ARID5B: variants seen among roughly 807,000 people sequenced by gnomAD.
ARID5B encodes AT-rich interaction domain 5B, also known as AT-rich interactive domain-containing protein 5B.
Under a neutral mutation model 97.2 loss-of-function variants are expected in ARID5B, and 13 were observed. The observed-to-expected ratio is 0.13, with a 90% confidence interval of 0.09 to 0.21. ARID5B has a LOEUF of 0.21. Among genes scored for constraint, ARID5B ranks in the 10% least tolerant of loss-of-function variants. The probability of loss-of-function intolerance (pLI) is 1.00; values close to 1 mark genes in which losing one functional copy is unlikely to be tolerated. For synonymous variants in ARID5B, 556 were observed against 570.3 expected, an observed-to-expected ratio of 0.97 and a Z score of 0.36; for missense variants, 1,210 against 1,465.3, an observed-to-expected ratio of 0.83 and a Z score of 2.84.
chr10:62,088,271 G>A (rs1257056126), intron 9 of ARID5B, among the ~76,000 whole-genome samples: 1 of 152,156 alleles, frequency 6.6e-6, no homozygotes, highest in Admixed American at 6.5e-5. Context: ...GATACTTTTG[G>A]CCTGGTGATT....
In ARID5B at chr10:61,972,410, G is replaced by T. The variant is rs541006662; in HGVS notation, c.503-27681G>T. ...ATCCGGCTAATTTTTTGTATTTTTAGTAGAGATGGGGTTTCACCATGTTGG... is the reference window on the plus strand; with the variant it reads ...ATCCGGCTAATTTTTTGTATTTTTATTAGAGATGGGGTTTCACCATGTTGG... On this transcript the variant is annotated intron_variant, in intron 3 of 9. Coordinates refer to ENST00000279873, the MANE Select transcript of ARID5B (RefSeq NM_032199.3). 9.3e-4 allele frequency among the ~76,000 whole-genome samples: 142 copies of T among 151,968 alleles called. 1 individual carries two copies. Among genetic ancestry groups the T allele is most frequent in the African/African-American group, 3.3e-3 (135 of 41,462 alleles).
rs534837260 is a variant in ARID5B, at chr10:62,096,615, T to A, written c.*3585T>A. The A allele has an allele frequency of 4.3e-6, 1 of 233,624 alleles. No homozygotes were observed. Among genetic ancestry groups the A allele is most frequent in the South Asian group, 1.8e-4 (1 of 5,530 alleles). The allele number at this position is 233,624 out of a possible 1,614,324, so 14.5% of individuals were successfully genotyped here. On this transcript the variant is annotated 3_prime_UTR_variant, in exon 10 of 10. Coordinates refer to ENST00000279873, the MANE Select transcript of ARID5B (RefSeq NM_032199.3). ...TTATACTTTTTTAAACTTTCCTGTG[T>A]TGTAAATATTGTATACTTTTGGTGA...
intron 3 of ARID5B, among the ~76,000 whole-genome samples, chr10:61,959,973 T>C (rs1251720132): frequency 2.0e-5 from 3 of 152,190 alleles, no homozygotes; most frequent in Admixed American, 1.3e-4. Context: ...AGTTGGTCCA[T>C]GAACTCCTTG....
At chr10:62,049,515 G>C (rs1448867967) in intron 4 of ARID5B, 8 of 1,550,380 alleles carry the variant, frequency 5.2e-6, no homozygotes, top group Non-Finnish European at 7.0e-6. Flanking sequence ...CTTGATTTTT[G>C]TTTGTGAGCT....
intron 2 of ARID5B, among the ~76,000 whole-genome samples, chr10:61,933,594 AACATTCATC>A (rs1182370954): frequency 6.6e-6 from 1 of 152,236 alleles, no homozygotes; most frequent in Non-Finnish European, 1.5e-5. Context: ...GCATAAAAAC[AACATTCATC>A]TCTTTGTACA....
intron 4 of ARID5B, among the ~76,000 whole-genome samples, chr10:62,028,921 C>T (rs566910498): frequency 1.0e-4 from 15 of 149,376 alleles, no homozygotes; most frequent in African/African-American, 1.7e-4. Context: ...CACGCCACTG[C>T]GCTCCAGCCT....
chr10:61,958,522 G>T (rs1028172359), intron 3 of ARID5B, among the ~76,000 whole-genome samples: 30 of 152,092 alleles, frequency 2.0e-4, no homozygotes, highest in Non-Finnish European at 5.9e-5. Context: ...CGCCGCGCCC[G>T]GCCGTGACCT....
chr10:61,907,725 A>G (rs1401916597), intron 2 of ARID5B, among the ~76,000 whole-genome samples: 1 of 152,280 alleles, frequency 6.6e-6, no homozygotes, highest in African/African-American at 2.4e-5. Context: ...GAGTCAGCCA[A>G]GTAAGGCCTG....
rs570690577 is a variant in ARID5B at position 61,914,525 on chromosome 10, T to TA, written c.276+12113dup. Reference sequence around the variant, plus strand: ...CCAAATGGAGGGAAAACCATCTCCATACATTGTAGTCTTAAAACCGAATTC... The same window carrying TA: ...CCAAATGGAGGGAAAACCATCTCCATAACATTGTAGTCTTAAAACCGAATTC... On this transcript the variant is annotated intron_variant, in intron 2 of 9. Coordinates refer to ENST00000279873, the MANE Select transcript of ARID5B (RefSeq NM_032199.3). Among the ~76,000 whole-genome samples the TA allele has an allele frequency of 1.2e-3, 188 of 152,356 alleles. 2 individuals are homozygous for TA. Among genetic ancestry groups the TA allele is most frequent in the Non-Finnish European group, 2.2e-3 (150 of 68,036 alleles).
intron 4 of ARID5B, among the ~76,000 whole-genome samples, chr10:62,030,984 C>T (rs1431987339): frequency 6.6e-6 from 1 of 152,074 alleles, no homozygotes; most frequent in Admixed American, 6.5e-5. Flanking sequence ...ACCTGTAATC[C>T]CAGCACTTTG....
intron 2 of ARID5B, among the ~76,000 whole-genome samples, chr10:61,929,612 G>A (rs988401282): frequency 1.8e-4 from 28 of 152,208 alleles, no homozygotes; most frequent in African/African-American, 6.5e-4. Context: ...CAGGGCTAGT[G>A]TGGTGGCTTT....
chr10:61,936,825 GGGTT>G (rs55852508), intron 2 of ARID5B, among the ~76,000 whole-genome samples: 145,638 of 146,108 alleles, frequency 1, 72,586 homozygotes, highest in Middle Eastern at 1. Flanking sequence ...TATAAAACCT[GGGTT>G]TCCCTTTTTT....
intron 4 of ARID5B, among the ~76,000 whole-genome samples, chr10:62,013,427 TACTTA>T (rs1021893486): frequency 6.6e-6 from 1 of 152,160 alleles, no homozygotes; most frequent in African/African-American, 2.4e-5. Context: ...TTACCTCACA[TACTTA>T]ACTTTTTTTG....
At chr10:61,917,486 G>A (rs1046379037) in intron 2 of ARID5B, among the ~76,000 whole-genome samples, 20 of 152,036 alleles carry the variant, frequency 1.3e-4, no homozygotes, top group Admixed American at 8.5e-4. Context: ...GCACCACCAC[G>A]CCCGGCTAAT....
rs941548704 is a variant in ARID5B at position 62,094,933 on chromosome 10, C to T, written c.*1903C>T. Reference sequence around the variant, plus strand: ...AACTGATAACAATGAAACTGCGGCTCTTAAACAAAGCCATGCATGCCGTGC... The same window carrying T: ...AACTGATAACAATGAAACTGCGGCTTTTAAACAAAGCCATGCATGCCGTGC... On this transcript the variant is annotated 3_prime_UTR_variant, in exon 10 of 10. Coordinates refer to ENST00000279873, the MANE Select transcript of ARID5B (RefSeq NM_032199.3). The T allele has an allele frequency of 2.2e-5, 5 of 231,306 alleles. No homozygotes were observed. The Admixed American group carries it at 2.3e-4, about 10-fold the overall frequency. 14.3% of individuals were successfully genotyped at this position (231,306 alleles called of 1,614,324 possible). A position where few individuals can be genotyped will look rare whatever the true frequency, so the allele number is the denominator to read the frequency against.
intron 8 of ARID5B, among the ~76,000 whole-genome samples, chr10:62,082,334 G>C (rs925694540): frequency 5.3e-5 from 8 of 152,164 alleles, no homozygotes; most frequent in African/African-American, 1.7e-4. Context: ...CCCCAGACTA[G>C]ATGTAGATCA....
At chr10:61,949,494 G>A (rs976149942) in intron 3 of ARID5B, among the ~76,000 whole-genome samples, 1 of 152,074 alleles carries the variant, frequency 6.6e-6, no homozygotes, top group African/African-American at 2.4e-5. Context: ...AAAATTAGAC[G>A]GGTATGGTAG....
chr10:62,064,591 T>A (rs1839961844), intron 7 of ARID5B, among the ~76,000 whole-genome samples: 1 of 151,864 alleles, frequency 6.6e-6, no homozygotes, highest in Non-Finnish European at 1.5e-5. Context: ...GATTTTCCAC[T>A]TTTTTTAAGT....
intron 3 of ARID5B, among the ~76,000 whole-genome samples, chr10:61,954,378 A>G (rs749166272): frequency 6.6e-6 from 1 of 151,634 alleles, no homozygotes; most frequent in Non-Finnish European, 1.5e-5. Context: ...TAAATAAATA[A>G]ATAAAAATAA....
Sources: allele counts gnomAD v4.1 joint callset (sites outside exome capture counted in the v4.1 genomes callset), GRCh38; gene constraint gnomAD v4.1.1; transcripts MANE v1.5; gene names NCBI Gene and HGNC (gene_info 2026-07-23, HGNC 2026-07-21).